MYRFL: variants seen among roughly 807,000 people sequenced by gnomAD.
MYRFL encodes myelin regulatory factor-like protein.
MYRFL carries 88 observed loss-of-function variants against 109.4 expected under a neutral mutation model. The observed-to-expected ratio is 0.80, with a 90% CI of 0.68 to 0.96. The LOEUF is 0.96. MYRFL is among the 40% of genes least tolerant of loss of function. The probability of loss-of-function intolerance (pLI) is 0.00; values close to 1 mark genes in which losing one functional copy is unlikely to be tolerated. For missense variants in MYRFL, 957 were observed against 954.9 expected (o/e 1.00, Z -0.03); for synonymous variants, 324 against 320.9 (o/e 1.01, Z -0.10).
intron 5 of MYRFL, among the ~76,000 whole-genome samples, chr12:69,880,850 C>G (rs889863838): frequency 2.0e-5 from 3 of 151,530 alleles, no homozygotes; most frequent in African/African-American, 4.8e-5. Flanking sequence ...TTTCCTCAAA[C>G]TCACTTCAAA....
chr12:69,841,218 A>G (rs570743144), intron 1 of MYRFL, among the ~76,000 whole-genome samples: 3 of 152,056 alleles, frequency 2.0e-5, no homozygotes, highest in South Asian at 4.2e-4. Flanking sequence ...ATGCAGATAA[A>G]CTCATGCTCC....
intron 16 of MYRFL, 33 bp from the exon 17 acceptor site, chr12:69,936,080 T>A: frequency 2.0e-6 from 1 of 502,156 alleles, no homozygotes; most frequent in Non-Finnish European, 2.5e-6. Flanking sequence ...CACATAATGT[T>A]TTTTTTTTTT....
At chr12:69,858,956 T>C (rs2136323719) in intron 2 of MYRFL, among the ~76,000 whole-genome samples, 1 of 152,124 alleles carries the variant, frequency 6.6e-6, no homozygotes, top group Middle Eastern at 3.4e-3. Flanking sequence ...TTAAACTTTG[T>C]TTTCTGATTT....
rs375287702 is a variant in MYRFL at position 69,878,116 on chromosome 12, G to A, written c.138-912G>A. ...AAATTAACCAGGTGTGGTGGCAGGC[G>A]CCTGTAATCCCAGCTACTTGGGAGG... On this transcript the variant is annotated intron_variant, in intron 2 of 24. Coordinates refer to ENST00000552032, the MANE Select transcript of MYRFL (RefSeq NM_182530.3). 1.1e-4 allele frequency among the ~76,000 whole-genome samples: 16 copies of A among 151,948 alleles called. No individual in the cohort carries two copies. In the East Asian group the frequency reaches 2.5e-3, roughly 24 times the overall value.
intron 12 of MYRFL, 79 bp from the exon 13 acceptor site, chr12:69,910,742 C>T: frequency 1.9e-6 from 2 of 1,039,882 alleles, no homozygotes; most frequent in Non-Finnish European, 2.7e-6. Flanking sequence ...TATTGTAGAT[C>T]AAAGCAAAAG....
chr12:69,891,682 T>TTTCGTTCGTTCGTTCG (rs147744686), intron 7 of MYRFL, among the ~76,000 whole-genome samples: 1 of 101,474 alleles, frequency 9.9e-6, no homozygotes, highest in Admixed American at 1.1e-4. Flanking sequence ...TCTTTCTTTC[T>TTTCGTTCGTTCGTTCG]TTCGTTCGTT....
chr12:69,852,893 C>G (rs992423255), intron 1 of MYRFL, among the ~76,000 whole-genome samples: 3 of 152,014 alleles, frequency 2.0e-5, no homozygotes, highest in Admixed American at 6.6e-5. Context: ...TCAGAGAGCA[C>G]GGGGTTGGGG....
rs554094182 is a variant in MYRFL, at chr12:69,853,481, C to T, written c.47-1799C>T. Among the ~76,000 whole-genome samples the T allele has an allele frequency of 5.7e-5, 8 of 140,576 alleles. No homozygotes were observed. The South Asian group carries it at 7.1e-4, about 12-fold the overall frequency. The allele number at this position is 140,576 out of a possible 152,430, so 92.2% of individuals were successfully genotyped here. A position where few individuals can be genotyped will look rare whatever the true frequency, so the allele number is the denominator to read the frequency against. On this transcript the variant is annotated intron_variant, in intron 1 of 24. Transcript: ENST00000552032. ...ACACTCCTCAGTTCCCAGACGGAGT[C>T]GCGGCCAGGCAGAGGCGCGCCTCAC...
intron 1 of MYRFL, among the ~76,000 whole-genome samples, chr12:69,837,586 C>T (rs1045683853): frequency 3.3e-5 from 5 of 152,176 alleles, no homozygotes; most frequent in African/African-American, 7.2e-5. Flanking sequence ...AAACCCATCT[C>T]CTTCATCCAG....
At chr12:69,900,981 C>G (rs1043492312) in intron 10 of MYRFL, among the ~76,000 whole-genome samples, 2 of 152,112 alleles carry the variant, frequency 1.3e-5, no homozygotes, top group Non-Finnish European at 2.9e-5. Context: ...TTTTTGCAAA[C>G]TGTTCATGCA....
intron 22 of MYRFL, among the ~76,000 whole-genome samples, chr12:69,957,481 T>A (rs183442996): frequency 1.3e-5 from 2 of 152,246 alleles, no homozygotes; most frequent in Admixed American, 1.3e-4. Flanking sequence ...ATCCCAGCAC[T>A]TTGGGTGGCC....
At position 69,925,871 on chromosome 12, in the gene MYRFL, T is replaced by C. The variant is rs146803209; in HGVS notation, c.1603-700T>C. On this transcript the variant is annotated intron_variant, in intron 13 of 24. Transcript: ENST00000552032. ...GAAGCAGATATTGACACCTCAATAA[T>C]TATCTTCTCATTTATAGATGAAGAA... Among the ~76,000 whole-genome samples, 612 of 152,308 alleles carry C rather than the reference T, an allele frequency of 4.0e-3. 3 individuals carry two copies. The highest frequency in any genetic ancestry group is 0.014 in the African/African-American group (572 of 41,576).
At chr12:69,872,553 T>C (rs1301038119) in intron 2 of MYRFL, among the ~76,000 whole-genome samples, 1 of 151,748 alleles carries the variant, frequency 6.6e-6, no homozygotes, top group Non-Finnish European at 1.5e-5. Flanking sequence ...TAGGCTGGAG[T>C]GCGATGGCAT....
At chr12:69,954,810 G>A (rs1956058308) in intron 21 of MYRFL, among the ~76,000 whole-genome samples, 1 of 152,174 alleles carries the variant, frequency 6.6e-6, no homozygotes, top group African/African-American at 2.4e-5. Context: ...TCTTAAAGGT[G>A]TGGGGGGAAT....
In MYRFL at chr12:69,846,106, C is replaced by CTTTTTTTT. The variant is rs60251292; in HGVS notation, c.47-9154_47-9147dup. Among the ~76,000 whole-genome samples, 48 of 61,726 alleles carry CTTTTTTTT rather than the reference C, an allele frequency of 7.8e-4. 2 individuals carry two copies. The highest frequency in any genetic ancestry group is 2.1e-3 in the East Asian group (3 of 1,396). The allele number at this position is 61,726 out of a possible 152,430, so 40.5% of individuals were successfully genotyped here. A position where few individuals can be genotyped will look rare whatever the true frequency, so the allele number is the denominator to read the frequency against. ...CTTTTAGATATTGGCTATTGACTAT[C>CTTTTTTTT]TTTTTTTTTTTTTTTTTTTTTTTTT... On this transcript the variant is annotated intron_variant, in intron 1 of 24. Coordinates refer to ENST00000552032, the MANE Select transcript of MYRFL (RefSeq NM_182530.3).
intron 2 of MYRFL, among the ~76,000 whole-genome samples, chr12:69,856,750 G>A (rs1450173929): frequency 6.6e-6 from 1 of 151,762 alleles, no homozygotes; most frequent in East Asian, 1.9e-4. Context: ...AATTGAGTTT[G>A]TTTTCTTTAA....
At chr12:69,931,741 A>T (rs555743204) in intron 15 of MYRFL, among the ~76,000 whole-genome samples, 7 of 152,290 alleles carry the variant, frequency 4.6e-5, no homozygotes, top group South Asian at 2.1e-4. Flanking sequence ...GTGGGCAGAA[A>T]ACTTCTATCT....
At chr12:69,853,026 T>C (rs1883982693) in intron 1 of MYRFL, among the ~76,000 whole-genome samples, 1 of 152,226 alleles carries the variant, frequency 6.6e-6, no homozygotes, top group African/African-American at 2.4e-5. Flanking sequence ...CTCTTTCTTT[T>C]CCCCACATTT....
In MYRFL at chr12:69,835,336, ACTT is replaced by A. The variant is rs143437096; in HGVS notation, c.46+9776_46+9778del. ...TTAAAAGGGATAGAAGTTTTTAACT[ACTT>A]CTGCTGTTTTTGTTCATGAAAAACC... On this transcript the variant is annotated intron_variant, in intron 1 of 24. Transcript: ENST00000552032. Among the ~76,000 whole-genome samples the A allele has an allele frequency of 1.3e-3, 202 of 152,314 alleles. 3 individuals carry two copies. The highest frequency in any genetic ancestry group is 4.6e-3 in the African/African-American group (193 of 41,564).
Sources: gnomAD v4.1 joint callset for allele counts (sites outside exome capture counted in the v4.1 genomes callset) on GRCh38, gnomAD v4.1.1 for gene constraint, MANE v1.5 for transcripts, NCBI Gene and HGNC (gene_info 2026-07-23, HGNC 2026-07-21) for gene names.